MAPK8IP3: variants seen among roughly 807,000 people sequenced by gnomAD.
MAPK8IP3 encodes mitogen-activated protein kinase 8 interacting protein 3.
A neutral mutation model predicts 157.8 loss-of-function variants in MAPK8IP3; 49 were observed. The ratio of observed to expected loss-of-function variants is 0.31; its 90% CI spans 0.25 to 0.39. MAPK8IP3 has a LOEUF of 0.39. Ranked by LOEUF, MAPK8IP3 falls within the 10% of genes least tolerant of loss-of-function variation. The pLI is 1.00. For missense variants in MAPK8IP3, 1,478 were observed against 1,889.4 expected, an observed-to-expected ratio of 0.78 and a Z score of 4.04; for synonymous variants, 897 against 777.7, an observed-to-expected ratio of 1.15 and a Z score of -2.55.
At chr16:1,727,836 C>T (rs745800090) in intron 2 of MAPK8IP3, among the ~76,000 whole-genome samples, 5 of 152,140 alleles carry the variant, frequency 3.3e-5, no homozygotes, top group African/African-American at 7.2e-5. Flanking sequence ...AGGCCAGTTA[C>T]CCCCCAGATC....
chr16:1,740,363 C>T (rs1328501571), intron 4 of MAPK8IP3, among the ~76,000 whole-genome samples: 1 of 149,630 alleles, frequency 6.7e-6, no homozygotes, highest in East Asian at 2.0e-4. Context: ...AGCGTGCAAC[C>T]GTCTGTGTGA....
chr16:1,748,413 G>A, intron 7 of MAPK8IP3, 67 bp downstream of exon 7: 1 of 1,394,402 alleles, frequency 7.2e-7, no homozygotes, highest in East Asian at 2.4e-5. Flanking sequence ...TGTCTTTGGT[G>A]AAGTCTTCCT....
rs2041777504 is a variant in MAPK8IP3, at chr16:1,758,970, C to T, written c.1229-8C>T. 1 of 1,614,192 alleles carries T rather than the reference C, an allele frequency of 6.2e-7. No homozygotes were observed. The highest frequency in any genetic ancestry group is 8.5e-7 in the Non-Finnish European group (1 of 1,180,014). On this transcript the variant is annotated splice_polypyrimidine_tract_variant and splice_region_variant and intron_variant, in intron 9 of 31. Transcript: ENST00000610761. ...CCCATCTCCTGTGGGACGGGGACGG[C>T]TCCCTAGTGCGCGATGATTTCTTTG...
In MAPK8IP3 at chr16:1,763,680, G is replaced by A; in HGVS notation, c.1922G>A (p.Arg641Gln). 1 of 1,587,752 alleles carries A rather than the reference G, an allele frequency of 6.3e-7. No individual in the cohort carries two copies. Among genetic ancestry groups the A allele is most frequent in the Non-Finnish European group, 8.6e-7 (1 of 1,164,916 alleles). ...PDDDCTSSAR[R>Q]EQKREQYRQV... is the part of the protein sequence containing the mutation. ...AGCGACTGCACGTCCTCCGCCCGTC[G>A]AGAGCAGAAGCGCGAGCAGTACCGC... Residue 641 changes from arginine to glutamine, a missense_variant, in exon 17 of 32, where the codon CGA becomes CAA. This residue lies in a region of MAPK8IP3 where 669 missense variants were observed against 759.8 expected (regional missense o/e 0.88). Coordinates refer to ENST00000610761, the MANE Select transcript of MAPK8IP3 (RefSeq NM_001318852.2).
chr16:1,760,501 C>T lies in MAPK8IP3; in HGVS notation c.1426C>T (p.Arg476Cys), dbSNP rs746689191. The change falls in exon 12 of 32, where the codon CGT becomes TGT. Residue 476 changes from arginine to cysteine, a missense_variant. Transcript: ENST00000610761. ...GCAGGCCAAAGTCAAGCTGGAAAAC[C>T]GTATCAAGGAGCTGGAAGAGGAACT... ...AKQAKVKLEN[R>C]IKELEEELKR... 2.5e-6 allele frequency: 4 copies of T among 1,613,602 alleles called. No homozygotes were observed. Among genetic ancestry groups the T allele is most frequent in the South Asian group, 1.1e-5 (1 of 91,054 alleles).
At chr16:1,755,713 G>T (rs1005837307) in intron 8 of MAPK8IP3, among the ~76,000 whole-genome samples, 1 of 152,046 alleles carries the variant, frequency 6.6e-6, no homozygotes, top group Non-Finnish European at 1.5e-5. Flanking sequence ...TGGGCCTGGT[G>T]ACACATGCCT....
At chr16:1,767,398 C>T in intron 26 of MAPK8IP3, 101 bp downstream of exon 26, 4 of 1,526,246 alleles carry the variant, frequency 2.6e-6, no homozygotes, top group Non-Finnish European at 2.7e-6. Flanking sequence ...TACGTGGGTC[C>T]CATCTCCCCT....
At position 1,766,073 on chromosome 16, in the gene MAPK8IP3, A is replaced by T. The variant is rs753952175; in HGVS notation, c.2560A>T (p.Thr854Ser). 2 of 1,612,746 alleles carry T rather than the reference A, an allele frequency of 1.2e-6. No individual in the cohort carries two copies. Among genetic ancestry groups the T allele is most frequent in the South Asian group, 1.1e-5 (1 of 91,066 alleles). Residue 854 changes from threonine to serine, a missense_variant, in exon 21 of 32, where the codon ACC becomes TCC. Transcript: ENST00000610761. ...LAGITLVGCA[T>S]RCNVPRSNCS... ...CGGTATCACCCTGGTGGGCTGTGCCACCCGCTGCAACGTGCCGCGGAGCAA... is the reference window on the plus strand; with the variant it reads ...CGGTATCACCCTGGTGGGCTGTGCCTCCCGCTGCAACGTGCCGCGGAGCAA...
chr16:1,752,749 T>A (rs1368820304), intron 8 of MAPK8IP3, among the ~76,000 whole-genome samples: 1 of 134,860 alleles, frequency 7.4e-6, no homozygotes, highest in Non-Finnish European at 1.6e-5. Flanking sequence ...GCCCTGTCTC[T>A]TAAAAAAAAA....
chr16:1,747,221 G>C lies in MAPK8IP3; in HGVS notation c.940G>C (p.Asp314His), dbSNP rs376902346. 4 of 1,613,670 alleles carry C rather than the reference G, an allele frequency of 2.5e-6. No homozygotes were observed. The change falls in exon 6 of 32, where the codon GAC (aspartate) becomes CAC (histidine). Residue 314 changes from aspartate to histidine, a missense_variant. This residue lies in a region of MAPK8IP3 where 315 missense variants were observed against 394.4 expected (regional missense o/e 0.80). Transcript: ENST00000610761. ...KNSKRAREKR[D>H]SRNMEVQVTQ... Reference sequence around the variant, plus strand: ...CAGCAAGCGTGCCCGGGAGAAGCGCGACAGCCGCAACATGGAAGTACAGGT... The same window carrying C: ...CAGCAAGCGTGCCCGGGAGAAGCGCCACAGCCGCAACATGGAAGTACAGGT...
chr16:1,761,782 C>G (rs2041966351), intron 13 of MAPK8IP3, among the ~76,000 whole-genome samples: 1 of 152,074 alleles, frequency 6.6e-6, no homozygotes, highest in African/African-American at 2.4e-5. Context: ...CGTGGGGCAG[C>G]CATCATTCCC....
Position 1,767,867 on chromosome 16 carries a change from C to T in MAPK8IP3, c.3472C>T (p.Leu1158Phe). The change falls in exon 28 of 32, where the codon CTC (leucine) becomes TTC (phenylalanine). Residue 1158 changes from leucine (L) to phenylalanine (F), a missense_variant. Coordinates refer to ENST00000610761, the MANE Select transcript of MAPK8IP3 (RefSeq NM_001318852.2). ...GGCCCTGCTTGTCGCGGGCAGCCGG[C>T]TCTGGGTGGGCACCGGCAACGGAGT... The part of the protein sequence containing the change: ...ITALLVAGSR[L>F]WVGTGNGVVI... 1.2e-6 allele frequency: 2 copies of T among 1,611,516 alleles called. No individual in the cohort carries two copies. The highest frequency in any genetic ancestry group is 8.5e-7 in the Non-Finnish European group (1 of 1,179,956).
At chr16:1,737,050 G>A (rs1363902627) in intron 4 of MAPK8IP3, among the ~76,000 whole-genome samples, 3 of 79,158 alleles carry the variant, frequency 3.8e-5, no homozygotes, top group Non-Finnish European at 5.0e-5. Flanking sequence ...CCGTGTGACC[G>A]TCCGTGTGAG....
Position 1,766,744 on chromosome 16 carries a change from G to A in MAPK8IP3, c.2961G>A (p.Val987=). Residue 987 remains valine, a synonymous_variant, in exon 24 of 32, where the codon GTG becomes GTA. Transcript: ENST00000610761. The part of the protein sequence containing the change: ...QNGWLYVHSA[V]ANWKKCLHSI... ...CTAGGCTCTATGTGCACTCGGCTGT[G>A]GCCAACTGGAAGAAGTGCCTGCACT... The A allele has an allele frequency of 6.2e-7, 1 of 1,612,878 alleles. No individual in the cohort carries two copies. Among genetic ancestry groups the A allele is most frequent in the Non-Finnish European group, 8.5e-7 (1 of 1,179,922 alleles).
Position 1,766,144 on chromosome 16 carries a change from T to C in MAPK8IP3, c.2629+2T>C. ...CCCCAGTGCTAGACAAGGGGCAGGG[T>C]GAGTCCTGGGCGAGTTTCCCCCATC... On this transcript the variant is annotated splice_donor_variant, in intron 21 of 31. Coordinates refer to ENST00000610761, the MANE Select transcript of MAPK8IP3 (RefSeq NM_001318852.2). LOFTEE classifies it high-confidence loss of function. 6.2e-7 allele frequency: 1 copy of C among 1,607,898 alleles called. No homozygotes were observed. The highest frequency in any genetic ancestry group is 8.5e-7 in the Non-Finnish European group (1 of 1,176,484).
chr16:1,738,880 C>G (rs1257775181), intron 4 of MAPK8IP3, among the ~76,000 whole-genome samples: 41 of 124,956 alleles, frequency 3.3e-4, no homozygotes, highest in Non-Finnish European at 4.7e-4. Flanking sequence ...TGTGACCATC[C>G]ATGTGAGCAT....
rs2042022298 is a variant in MAPK8IP3, at chr16:1,762,693, A to G, written c.1689A>G (p.Pro563=). 1.3e-6 allele frequency: 2 copies of G among 1,564,594 alleles called. 1 individual carries two copies. The highest frequency in any genetic ancestry group is 2.4e-5 in the South Asian group (2 of 83,812). ...CCTGCAGAGCGTCCCGAGAGCACCC[A>G]TCCGTCCAGGAGAAGAAGAAGTCGA... ...TEMIRASREH[P]SVQEKKKSTI... The change falls in exon 15 of 32, where the codon CCA becomes CCG. Residue 563 remains proline, a synonymous_variant. Transcript: ENST00000610761.
chr16:1,763,050 G>A, intron 16 of MAPK8IP3, 44 bp downstream of exon 16: 1 of 1,607,536 alleles, frequency 6.2e-7, no homozygotes, highest in Non-Finnish European at 8.5e-7. Flanking sequence ...AATGGGGTTG[G>A]GGAGGCCCTG....
intron 5 of MAPK8IP3, chr16:1,744,121 C>A (rs891364199): frequency 1.0e-5 from 10 of 985,600 alleles, no homozygotes; most frequent in Non-Finnish European, 1.2e-5. Context: ...CAGAGCCAGG[C>A]CACTCCTTCA....
Sources: allele counts gnomAD v4.1 joint callset (sites outside exome capture counted in the v4.1 genomes callset), GRCh38; gene constraint gnomAD v4.1.1; regional missense constraint gnomAD v4.1.1; transcripts MANE v1.5; gene names NCBI Gene and HGNC (gene_info 2026-07-23, HGNC 2026-07-21).